NHEJ1: variants seen among roughly 807,000 people sequenced by gnomAD.
The protein encoded by NHEJ1 is non-homologous end joining factor 1.
In NHEJ1, 22 loss-of-function variants were observed where a neutral mutation model predicts 39.4. The ratio of observed to expected loss-of-function variants is 0.56; its 90% CI spans 0.40 to 0.80. The LOEUF is 0.80. Among genes scored for constraint, NHEJ1 ranks in the 30% least tolerant of loss-of-function variants. The pLI is 0.00. For synonymous variants in NHEJ1, 154 were observed against 135.6 expected (o/e 1.14, Z -0.94); for missense variants, 329 against 357.1 (o/e 0.92, Z 0.63).
chr2:219,117,103 T>G (rs938461741), intron 5 of NHEJ1, among the ~76,000 whole-genome samples: 2 of 152,016 alleles, frequency 1.3e-5, no homozygotes, highest in African/African-American at 4.8e-5. Context: ...CTTGCATGAT[T>G]TATCCCCCTA....
At position 219,141,004 on chromosome 2, in the gene NHEJ1, G is replaced by A. The variant is rs539143874; in HGVS notation, c.588+5676C>T. Reference sequence around the variant, plus strand: ...GTTTCAGTTTCAAAGACATCACTCTGACAAAACTACAAATTCAACTGCAGG... The same window carrying A: ...GTTTCAGTTTCAAAGACATCACTCTAACAAAACTACAAATTCAACTGCAGG... On this transcript the variant is annotated intron_variant, in intron 5 of 7. Coordinates refer to ENST00000356853, the MANE Select transcript of NHEJ1 (RefSeq NM_024782.3). Among the ~76,000 whole-genome samples the A allele has an allele frequency of 7.9e-5, 12 of 152,270 alleles. No individual in the cohort carries two copies. The East Asian group carries it at 2.1e-3, about 27-fold the overall frequency.
intron 5 of NHEJ1, among the ~76,000 whole-genome samples, chr2:219,114,583 C>G (rs1338246859): frequency 2.0e-5 from 3 of 151,970 alleles, no homozygotes; most frequent in Non-Finnish European, 4.4e-5. Context: ...AGCCAAGATC[C>G]CAGGAAAATG....
chr2:219,154,208 A>T (rs556498385), intron 3 of NHEJ1, among the ~76,000 whole-genome samples: 121 of 152,304 alleles, frequency 7.9e-4, no homozygotes, highest in African/African-American at 2.8e-3. Flanking sequence ...AAGTTCTACA[A>T]TTAAGTGAAA....
rs142888187 is a variant in NHEJ1 at position 219,123,497 on chromosome 2, G to A, written c.588+23183C>T. Among the ~76,000 whole-genome samples, 457 of 152,246 alleles carry A rather than the reference G, an allele frequency of 3.0e-3. 1 individual carries two copies. The highest frequency in any genetic ancestry group is 0.011 in the African/African-American group (439 of 41,552). Reference sequence around the variant, plus strand: ...AAAACAACAAAACAAAAAGTACTGTGAATCAAAGTTAACCAAAGAAACCCA... The same window carrying A: ...AAAACAACAAAACAAAAAGTACTGTAAATCAAAGTTAACCAAAGAAACCCA... On this transcript the variant is annotated intron_variant, in intron 5 of 7. Coordinates refer to ENST00000356853, the MANE Select transcript of NHEJ1 (RefSeq NM_024782.3).
At chr2:219,078,256 A>T in intron 5 of NHEJ1, 50 bp from the exon 6 acceptor site, 1 of 1,477,436 alleles carries the variant, frequency 6.8e-7, no homozygotes, top group Non-Finnish European at 9.5e-7. Flanking sequence ...TTGCTAGAGA[A>T]GCGATCTAAT....
At chr2:219,132,969 C>G (rs1949592753) in intron 5 of NHEJ1, among the ~76,000 whole-genome samples, 1 of 152,170 alleles carries the variant, frequency 6.6e-6, no homozygotes, top group Non-Finnish European at 1.5e-5. Context: ...TTCGTATCTT[C>G]AACGGGCTTA....
Position 219,076,402 on chromosome 2 carries a change from C to T in NHEJ1, c.879G>A (p.Lys293=), listed in dbSNP as rs774071513. The stretch of plus-strand genomic sequence containing the variant: ...CAGATTAACTGAAGAGACCCCTTGG[C>T]TTCTTCCTCTTGACCTTTGACAGCT... The part of the protein sequence containing the change: ...RPQLSKVKRK[K]PRGLFS The change falls in exon 8 of 8, where the codon AAG becomes AAA. Residue 293 remains lysine (K), a synonymous_variant. Transcript: ENST00000356853. 6.2e-7 allele frequency: 1 copy of T among 1,614,172 alleles called. No homozygotes were observed. Among genetic ancestry groups the T allele is most frequent in the South Asian group, 1.1e-5 (1 of 91,082 alleles).
chr2:219,085,443 C>T (rs1949103022), intron 5 of NHEJ1, among the ~76,000 whole-genome samples: 1 of 152,186 alleles, frequency 6.6e-6, no homozygotes, highest in African/African-American at 2.4e-5. Context: ...ATACACAAGG[C>T]ACACTGCCCT....
intron 3 of NHEJ1, among the ~76,000 whole-genome samples, chr2:219,156,228 G>A (rs1036574727): frequency 9.2e-5 from 14 of 152,004 alleles, no homozygotes; most frequent in East Asian, 1.9e-4. Flanking sequence ...AAACCTGGGC[G>A]ACAGAGTGAA....
At chr2:219,102,044 C>CATTGT (rs1319681355) in intron 5 of NHEJ1, among the ~76,000 whole-genome samples, 1 of 152,170 alleles carries the variant, frequency 6.6e-6, no homozygotes, top group Non-Finnish European at 1.5e-5. Context: ...TTAATGGCTT[C>CATTGT]ATTGTATTAT....
At chr2:219,147,912 CA>C in intron 3 of NHEJ1, 117 bp from the exon 4 acceptor site, 1 of 995,286 alleles carries the variant, frequency 1.0e-6, no homozygotes, top group Non-Finnish European at 1.5e-6. Context: ...CTTATAGTTT[CA>C]TAGGCAAGTA....
intron 5 of NHEJ1, among the ~76,000 whole-genome samples, chr2:219,103,053 T>G (rs1574713461): frequency 1.6e-5 from 2 of 128,974 alleles, no homozygotes; most frequent in African/African-American, 5.8e-5. Context: ...TGGTGGTGGG[T>G]GCCTGTAATC....
intron 4 of NHEJ1, 124 bp downstream of exon 4, chr2:219,147,533 G>A: frequency 1.7e-6 from 2 of 1,151,400 alleles, no homozygotes; most frequent in Non-Finnish European, 2.6e-6. Context: ...CCAGTTTCTG[G>A]TTAGTATTCA....
At chr2:219,084,468 A>G (rs920736186) in intron 5 of NHEJ1, among the ~76,000 whole-genome samples, 2 of 152,218 alleles carry the variant, frequency 1.3e-5, no homozygotes, top group Non-Finnish European at 2.9e-5. Flanking sequence ...AAATCTACCC[A>G]GTAACCTGTG....
At chr2:219,122,617 CT>C (rs1317155561) in intron 5 of NHEJ1, among the ~76,000 whole-genome samples, 1 of 152,176 alleles carries the variant, frequency 6.6e-6, no homozygotes, top group African/African-American at 2.4e-5. Flanking sequence ...ATGAAAAATG[CT>C]TTTTCTCCTG....
intron 5 of NHEJ1, among the ~76,000 whole-genome samples, chr2:219,132,821 G>C (rs1949591585): frequency 6.6e-6 from 1 of 151,986 alleles, no homozygotes; most frequent in Non-Finnish European, 1.5e-5. Context: ...CTCCTCTCAG[G>C]TACCATATAT....
At position 219,137,071 on chromosome 2, in the gene NHEJ1, G is replaced by GA. The variant is rs769632691; in HGVS notation, c.588+9608dup. ...AAGAGGTCTTTTTAGCTCTTCTTGA[G>GA]AAAAAAAAAAAAAAAAAGAAGTGGT... On this transcript the variant is annotated intron_variant, in intron 5 of 7. Transcript: ENST00000356853. Among the ~76,000 whole-genome samples, 529 of 64,928 alleles carry GA rather than the reference G, an allele frequency of 8.1e-3. 1 individual carries two copies. Among genetic ancestry groups the GA allele is most frequent in the African/African-American group, 0.02 (369 of 18,154 alleles). 42.6% of individuals were successfully genotyped at this position (64,928 alleles called of 152,430 possible).
At chr2:219,120,616 T>C (rs1439296851) in intron 5 of NHEJ1, among the ~76,000 whole-genome samples, 1 of 152,162 alleles carries the variant, frequency 6.6e-6, no homozygotes, top group African/African-American at 2.4e-5. Context: ...TACAGGTCTT[T>C]GTAGAAAGAA....
intron 3 of NHEJ1, among the ~76,000 whole-genome samples, chr2:219,153,702 G>T (rs867659694): frequency 3.9e-5 from 5 of 129,450 alleles, no homozygotes; most frequent in African/African-American, 1.4e-4. Flanking sequence ...AGGGGGGGGG[G>T]GTGGAGAGAG....
Sources: allele counts gnomAD v4.1 joint callset (sites outside exome capture counted in the v4.1 genomes callset), GRCh38; gene constraint gnomAD v4.1.1; transcripts MANE v1.5; gene names NCBI Gene and HGNC (gene_info 2026-07-23, HGNC 2026-07-21).